PSME4: variants seen among roughly 807,000 people sequenced by gnomAD.
The protein encoded by PSME4 is proteasome activator subunit 4.
A neutral mutation model predicts 253.9 loss-of-function variants in PSME4; 89 were observed. The observed-to-expected ratio is 0.35, with a 90% confidence interval of 0.30 to 0.42. The LOEUF (loss-of-function observed/expected upper bound fraction) is 0.42, where lower values mean the gene tolerates loss of function less well. PSME4 is among the 10% of genes least tolerant of loss of function. The pLI is 1.00. For missense variants in PSME4, 2,014 were observed against 2,195.2 expected, an observed-to-expected ratio of 0.92 and a Z score of 1.65; for synonymous variants, 851 against 759.2, an observed-to-expected ratio of 1.12 and a Z score of -1.99.
At chr2:53,926,428 C>T (rs1321293410) in intron 12 of PSME4, among the ~76,000 whole-genome samples, 2 of 152,166 alleles carry the variant, frequency 1.3e-5, no homozygotes, top group African/African-American at 4.8e-5. Flanking sequence ...AATCCTAGCA[C>T]TTTGGGAGGC....
intron 44 of PSME4, among the ~76,000 whole-genome samples, chr2:53,867,669 CA>C (rs35848517): frequency 0.11 from 11,053 of 98,350 alleles, 387 homozygotes; most frequent in East Asian, 0.22. Context: ...GACCTTACCT[CA>C]AAAAAAAAAA....
At chr2:53,873,701 A>G (rs1402916307) in intron 43 of PSME4, among the ~76,000 whole-genome samples, 1 of 152,240 alleles carries the variant, frequency 6.6e-6, no homozygotes, top group African/African-American at 2.4e-5. Context: ...AGCAGCGCCT[A>G]TGTGTAGATT....
At chr2:53,913,795 A>C (rs1026369968) in intron 20 of PSME4, among the ~76,000 whole-genome samples, 1 of 152,260 alleles carries the variant, frequency 6.6e-6, no homozygotes, top group Non-Finnish European at 1.5e-5. Context: ...AACTACTTCC[A>C]AGTCTGACAC....
Position 53,948,401 on chromosome 2 carries a change from C to T in PSME4, c.500+20G>A, listed in dbSNP as rs1195134238. ...AACCCCAAGTACTCCCAAATAAGTG[C>T]TTTAAATGGAAATACTTACTTAGGA... On this transcript the variant is annotated intron_variant, in intron 3 of 46. Transcript: ENST00000404125. 2.0e-6 allele frequency: 3 copies of T among 1,503,814 alleles called. No homozygotes were observed. The highest frequency in any genetic ancestry group is 1.4e-5 in the African/African-American group (1 of 72,542). 93.2% of individuals were successfully genotyped at this position (1,503,814 alleles called of 1,614,324 possible).
chr2:53,895,194 A>T (rs1355534905), intron 33 of PSME4, 118 bp from the exon 34 acceptor site: 24 of 811,170 alleles, frequency 3.0e-5, no homozygotes, highest in Non-Finnish European at 4.7e-5. Flanking sequence ...GTTTGGGGAG[A>T]TGAGTACAGC....
intron 1 of PSME4, among the ~76,000 whole-genome samples, chr2:53,953,847 T>C (rs1453116490): frequency 2.0e-5 from 3 of 152,314 alleles, no homozygotes; most frequent in Admixed American, 6.5e-5. Flanking sequence ...ACAGTCACGA[T>C]TGAACGTGAT....
chr2:53,872,850 A>T (rs1291581695), intron 43 of PSME4, among the ~76,000 whole-genome samples: 2 of 150,858 alleles, frequency 1.3e-5, no homozygotes. Context: ...TGACAAGGTC[A>T]TTGTTTCCAC....
chr2:53,888,055 A>T, intron 38 of PSME4, 66 bp from the exon 39 acceptor site: 1 of 1,479,146 alleles, frequency 6.8e-7, no homozygotes, highest in South Asian at 1.4e-5. Context: ...GACAGTATGG[A>T]CAGACAATAT....
chr2:53,943,844 C>A (rs1479574652), intron 3 of PSME4, among the ~76,000 whole-genome samples: 3 of 86,572 alleles, frequency 3.5e-5, no homozygotes, highest in African/African-American at 1.5e-4. Context: ...AAAACTCCAT[C>A]TCAAAAAAAA....
chr2:53,895,854 A>G, intron 32 of PSME4, 118 bp from the exon 33 acceptor site: 1 of 890,182 alleles, frequency 1.1e-6, no homozygotes, highest in Non-Finnish European at 1.7e-6. Context: ...CTACAAAAAT[A>G]ACATTAAGAT....
intron 3 of PSME4, among the ~76,000 whole-genome samples, chr2:53,940,952 C>CATATTTATTT (rs61078234): frequency 4.2e-5 from 1 of 24,022 alleles, no homozygotes. Context: ...TATATATATA[C>CATATTTATTT]ATATATATAT....
At chr2:53,893,907 T>G (rs1680025768) in intron 34 of PSME4, 108 bp from the exon 35 acceptor site, 19 of 1,397,194 alleles carry the variant, frequency 1.4e-5, no homozygotes, top group Non-Finnish European at 1.8e-5. Context: ...CAGGCTGTAT[T>G]TTTGTTTCCA....
At chr2:53,944,012 T>C (rs1229837269) in intron 3 of PSME4, among the ~76,000 whole-genome samples, 1 of 152,178 alleles carries the variant, frequency 6.6e-6, no homozygotes, top group Non-Finnish European at 1.5e-5. Flanking sequence ...AGAGCATACA[T>C]AATTGTTTTA....
In PSME4 at chr2:53,887,372, T is replaced by G; in HGVS notation, c.4616A>C (p.Glu1539Ala). Residue 1539 changes from glutamate to alanine, a missense_variant, in exon 40 of 47, where the codon GAG becomes GCG. Glu to Ala is a moderately radical substitution (Grantham distance 107). This residue lies in a region of PSME4 where 403 missense variants were observed against 556.1 expected (regional missense o/e 0.72). Transcript: ENST00000404125. ...HVPEFTARIL[E>A]KLKPLMDVDE... ...CACATCCATGAGAGGTTTCAATTTCTCCAGAATTCGAGCAGTAAACTCAGG... is the reference window on the plus strand; with the variant it reads ...CACATCCATGAGAGGTTTCAATTTCGCCAGAATTCGAGCAGTAAACTCAGG... 8 of 1,613,870 alleles carry G rather than the reference T, an allele frequency of 5.0e-6. No homozygotes were observed. Among genetic ancestry groups the G allele is most frequent in the Non-Finnish European group, 6.8e-6 (8 of 1,179,784 alleles).
Position 53,919,211 on chromosome 2 carries a change from T to C in PSME4, c.2456A>G (p.Asn819Ser), listed in dbSNP as rs748897234. 9 of 1,611,328 alleles carry C rather than the reference T, an allele frequency of 5.6e-6. No individual in the cohort carries two copies. The highest frequency in any genetic ancestry group is 4.4e-5 in the South Asian group (4 of 90,456). ...GAGGTTTCCAGAGCCAATTAAACAG[T>C]TGTGCACTATAGTCAGACTCTGTAG... ...DILQSLTIVHNCLIGSGNLLP... is the reference protein window; with the variant it reads ...DILQSLTIVHSCLIGSGNLLP... Residue 819 changes from asparagine (N) to serine (S), a missense_variant, in exon 20 of 47, where the codon AAC (asparagine) becomes AGC (serine). Asn to Ser is a conservative substitution (Grantham distance 46, BLOSUM62 1). This residue lies in a region of PSME4 where 989 missense variants were observed against 1,021.1 expected (regional missense o/e 0.97). Transcript: ENST00000404125.
chr2:53,903,912 C>A (rs1027407485), intron 27 of PSME4, 113 bp downstream of exon 27: 3 of 876,768 alleles, frequency 3.4e-6, no homozygotes, highest in South Asian at 4.3e-5. Context: ...ACAGCAAAAT[C>A]TTAAATACAG....
intron 36 of PSME4, among the ~76,000 whole-genome samples, chr2:53,891,485 T>C (rs1187212707): frequency 6.6e-6 from 1 of 152,172 alleles, no homozygotes; most frequent in African/African-American, 2.4e-5. Context: ...TATCAAAATA[T>C]CACATGTACC....
At chr2:53,872,515 T>G (rs1160911938) in intron 43 of PSME4, among the ~76,000 whole-genome samples, 1 of 151,048 alleles carries the variant, frequency 6.6e-6, no homozygotes, top group Non-Finnish European at 1.5e-5. Flanking sequence ...CCAAGGCGGG[T>G]AGATTGCTTG....
At chr2:53,909,279 G>A (rs1056719134) in intron 21 of PSME4, among the ~76,000 whole-genome samples, 1 of 152,084 alleles carries the variant, frequency 6.6e-6, no homozygotes. Flanking sequence ...TGTAACTTTG[G>A]TGTTAATCCA....
Sources: gnomAD v4.1 joint callset for allele counts (sites outside exome capture counted in the v4.1 genomes callset) on GRCh38, gnomAD v4.1.1 for gene constraint, gnomAD v4.1.1 regional missense constraint, MANE v1.5 for transcripts, NCBI Gene and HGNC (gene_info 2026-07-23, HGNC 2026-07-21) for gene names.